The following PTPRD variants were observed in gnomAD, a reference collection of about 807,000 sequenced individuals.
PTPRD encodes the protein protein tyrosine phosphatase receptor type D.
Under a neutral mutation model 214.5 loss-of-function variants are expected in PTPRD, and 34 were observed. That is an observed-to-expected ratio of 0.16 (90% CI 0.12 to 0.21). PTPRD has a LOEUF of 0.21. Among genes scored for constraint, PTPRD ranks in the 10% least tolerant of loss-of-function variants. The pLI is 1.00. For missense variants in PTPRD, 2,545 were observed against 2,398.7 expected (o/e 1.06, Z -1.27); for synonymous variants, 1,128 against 845.7 (o/e 1.33, Z -5.79).
intron 8 of PTPRD, among the ~76,000 whole-genome samples, chr9:9,458,383 A>C (rs547168001): frequency 6.6e-6 from 1 of 152,172 alleles, no homozygotes; most frequent in Admixed American, 6.6e-5. Flanking sequence ...TTTTTTACTA[A>C]CATTGTATGG....
chr9:10,084,177 G>C (rs920801238), intron 3 of PTPRD, among the ~76,000 whole-genome samples: 3 of 151,946 alleles, frequency 2.0e-5, no homozygotes, highest in African/African-American at 7.2e-5. Flanking sequence ...TTTAAGTGTT[G>C]TTTTGTTAGA....
intron 11 of PTPRD, among the ~76,000 whole-genome samples, chr9:8,744,323 A>AT (rs2092522237): frequency 1.3e-5 from 2 of 151,454 alleles, no homozygotes; most frequent in African/African-American, 4.9e-5. Context: ...AAAAGAAGTC[A>AT]TTATCCGAAA....
intron 21 of PTPRD, among the ~76,000 whole-genome samples, chr9:8,516,945 G>C (rs2097791778): frequency 1.3e-5 from 2 of 151,646 alleles, no homozygotes; most frequent in South Asian, 4.2e-4. Flanking sequence ...CTGAGTAGCA[G>C]GAATTACAGG....
intron 11 of PTPRD, among the ~76,000 whole-genome samples, chr9:8,949,597 G>T (rs968941193): frequency 3.3e-5 from 5 of 152,176 alleles, no homozygotes; most frequent in Non-Finnish European, 7.4e-5. Flanking sequence ...TGATGTTGAG[G>T]TTACAAATTT....
chr9:8,602,063 G>C (rs2094899138), intron 14 of PTPRD, among the ~76,000 whole-genome samples: 2 of 152,038 alleles, frequency 1.3e-5, no homozygotes, highest in Non-Finnish European at 2.9e-5. Context: ...TTAGCAATGT[G>C]CTACCAAACA....
At chr9:8,786,043 G>C (rs1023961903) in intron 11 of PTPRD, among the ~76,000 whole-genome samples, 3 of 140,568 alleles carry the variant, frequency 2.1e-5, no homozygotes, top group Non-Finnish European at 4.6e-5. Flanking sequence ...TTGTGTGTGT[G>C]TGTGTGTGTG....
At chr9:8,589,401 A>C (rs768997728) in intron 14 of PTPRD, among the ~76,000 whole-genome samples, 4 of 152,316 alleles carry the variant, frequency 2.6e-5, no homozygotes, top group Non-Finnish European at 5.9e-5. Flanking sequence ...ATAAACAATT[A>C]AGCATAATCA....
chr9:9,248,075 G>C (rs145348881), intron 9 of PTPRD, among the ~76,000 whole-genome samples: 74 of 151,932 alleles, frequency 4.9e-4, no homozygotes, highest in South Asian at 2.1e-3. Context: ...GAAGCAATGA[G>C]CTCCTAAGTT....
At chr9:9,461,476 T>C (rs1460478363) in intron 8 of PTPRD, among the ~76,000 whole-genome samples, 2 of 151,856 alleles carry the variant, frequency 1.3e-5, no homozygotes, top group Non-Finnish European at 2.9e-5. Flanking sequence ...TTAGAGTAGA[T>C]AAAGAAATGA....
At chr9:8,651,584 C>T (rs1312490522) in intron 12 of PTPRD, among the ~76,000 whole-genome samples, 1 of 152,134 alleles carries the variant, frequency 6.6e-6, no homozygotes, top group East Asian at 1.9e-4. Flanking sequence ...CCAGCTACAT[C>T]TCTGTAAAAT....
intron 10 of PTPRD, among the ~76,000 whole-genome samples, chr9:9,175,326 G>C (rs1301810446): frequency 6.6e-6 from 1 of 152,026 alleles, no homozygotes; most frequent in Non-Finnish European, 1.5e-5. Flanking sequence ...ACAAAAGATA[G>C]TTTTAATAAT....
intron 2 of PTPRD, among the ~76,000 whole-genome samples, chr9:10,398,521 C>G (rs2098214952): frequency 6.6e-6 from 1 of 151,922 alleles, no homozygotes; most frequent in African/African-American, 2.4e-5. Flanking sequence ...GTGGGTGGAC[C>G]TGAAGACTTC....
chr9:9,884,253 G>C lies in PTPRD; in HGVS notation c.-368+54254C>G, dbSNP rs1310057452. On this transcript the variant is annotated intron_variant, in intron 5 of 45. Transcript: ENST00000381196. ...TTGTGAAGAATGGAATGAGGGATAAGACACAGAGTTCAGTCTTTCCAACTT... is the reference window on the plus strand; with the variant it reads ...TTGTGAAGAATGGAATGAGGGATAACACACAGAGTTCAGTCTTTCCAACTT... Among the ~76,000 whole-genome samples the C allele has an allele frequency of 2.0e-5, 3 of 152,242 alleles. No homozygotes were observed. In the East Asian group the frequency reaches 5.8e-4, roughly 29 times the overall value.
chr9:9,902,484 T>C (rs532952775), intron 5 of PTPRD, among the ~76,000 whole-genome samples: 12 of 152,176 alleles, frequency 7.9e-5, no homozygotes, highest in Non-Finnish European at 1.3e-4. Context: ...TCTGAAGTCA[T>C]GTATGTTGAT....
At chr9:8,606,637 C>T (rs1459061828) in intron 14 of PTPRD, among the ~76,000 whole-genome samples, 1 of 152,146 alleles carries the variant, frequency 6.6e-6, no homozygotes, top group Non-Finnish European at 1.5e-5. Flanking sequence ...TTCTGAAATC[C>T]ATTCTGCCTT....
At chr9:8,954,602 G>A (rs192541343) in intron 11 of PTPRD, among the ~76,000 whole-genome samples, 25 of 152,020 alleles carry the variant, frequency 1.6e-4, no homozygotes, top group African/African-American at 6.0e-4. Flanking sequence ...TAAAGAGCCT[G>A]AGTAGTGGGC....
chr9:8,745,779 GGAGT>G (rs2092724865), intron 11 of PTPRD, among the ~76,000 whole-genome samples: 1 of 126,706 alleles, frequency 7.9e-6, no homozygotes, highest in African/African-American at 3.0e-5. Flanking sequence ...TCTATTTTAT[GGAGT>G]TTCTCTCTCT....
chr9:9,499,788 A>T (rs2096341475), intron 8 of PTPRD, among the ~76,000 whole-genome samples: 1 of 152,106 alleles, frequency 6.6e-6, no homozygotes, highest in Admixed American at 6.6e-5. Context: ...TCCCAACCAA[A>T]AACAGTGCCT....
intron 7 of PTPRD, among the ~76,000 whole-genome samples, chr9:9,715,092 C>T (rs2097795152): frequency 6.6e-5 from 10 of 152,116 alleles, no homozygotes. Flanking sequence ...TATGCTGGAT[C>T]CTCGTCCAAA....
Sources: allele counts gnomAD v4.1 joint callset (sites outside exome capture counted in the v4.1 genomes callset), GRCh38; gene constraint gnomAD v4.1.1; transcripts MANE v1.5; gene names NCBI Gene and HGNC (gene_info 2026-07-23, HGNC 2026-07-21).